The following DPAGT1 variants were observed in gnomAD, a reference collection of about 807,000 sequenced individuals.
The protein encoded by DPAGT1 is UDP-N-acetylglucosamine--dolichyl-phosphate N-acetylglucosaminephosphotransferase.
A neutral mutation model predicts 39.3 loss-of-function variants in DPAGT1; 25 were observed. The observed-to-expected ratio is 0.64, with a 90% CI of 0.46 to 0.89. The LOEUF (loss-of-function observed/expected upper bound fraction) is 0.89, where lower values mean the gene tolerates loss of function less well. Ranked by LOEUF, DPAGT1 falls within the 40% of genes least tolerant of loss-of-function variation. DPAGT1 has a pLI of 0.00. For missense variants in DPAGT1, 381 were observed against 500.6 expected (o/e 0.76, Z 2.28); for synonymous variants, 193 against 201.4 (o/e 0.96, Z 0.36).
At chr11:119,095,478 C>T (rs1473637484), downstream of DPAGT1, 5 of 1,391,618 alleles carry the variant, frequency 3.6e-6, no homozygotes, top group Non-Finnish European at 4.7e-6. Context: ...CGCGCGCGCG[C>T]CGCGAGGCCG....
Position 119,098,493 on chromosome 11 carries a change from G to A in DPAGT1, c.644-6C>T, listed in dbSNP as rs1358919348. The A allele has an allele frequency of 6.2e-7, 1 of 1,613,918 alleles. No homozygotes were observed. On this transcript the variant is annotated splice_polypyrimidine_tract_variant and splice_region_variant and intron_variant, in intron 4 of 8. Coordinates refer to ENST00000354202, the MANE Select transcript of DPAGT1 (RefSeq NM_001382.4). ...ATGATCATCCCGACAATCACCTTTGGAAGCAAGGAAGAAAGAAGGAAAAGT... is the reference window on the plus strand; with the variant it reads ...ATGATCATCCCGACAATCACCTTTGAAAGCAAGGAAGAAAGAAGGAAAAGT...
chr11:119,095,373 C>T (rs1413031146), downstream of DPAGT1: 1 of 1,576,442 alleles, frequency 6.3e-7, no homozygotes, highest in Non-Finnish European at 8.6e-7. Context: ...GCCTTGCCGC[C>T]AGTCTTGCCG....
Position 119,101,044 on chromosome 11 carries a change from G to T in DPAGT1, c.256C>A (p.Gln86Lys), listed in dbSNP as rs755401340. 1 of 1,614,152 alleles carries T rather than the reference G, an allele frequency of 6.2e-7. No homozygotes were observed. The highest frequency in any genetic ancestry group is 8.5e-7 in the Non-Finnish European group (1 of 1,180,038). ...FPFLNCFVKE[Q>K]CKAFPHHEFV... ...TCATGGTGGGGGAATGCCTTACACT[G>T]CTCCTTCACAAAGCAGTTCAGGAAG... The change falls in exon 2 of 9, where the codon CAG (glutamine) becomes AAG (lysine). Residue 86 changes from glutamine (Q) to lysine (K), a missense_variant. Gln to Lys is a moderately conservative substitution (Grantham distance 53). Coordinates refer to ENST00000354202, the MANE Select transcript of DPAGT1 (RefSeq NM_001382.4).
Position 119,097,175 on chromosome 11 carries a change from C to G in DPAGT1, c.1128G>C (p.Glu376Asp), listed in dbSNP as rs200747570. Residue 376 changes from glutamate (E) to aspartate (D), a missense_variant, in exon 8 of 9, where the codon GAG (glutamate) becomes GAC (aspartate). By Grantham distance (45) the Glu-to-Asp change is conservative. Coordinates refer to ENST00000354202, the MANE Select transcript of DPAGT1 (RefSeq NM_001382.4). The surrounding 1 kb of genome is among the most constrained non-coding windows in gnomAD (Gnocchi z 4.6). Reference sequence around the variant, plus strand: ...GCAGCAGGAGCAATGTGAGGTTTCTCTCATGTATGGGCCCAAGGACTTTAA... The same window carrying G: ...GCAGCAGGAGCAATGTGAGGTTTCTGTCATGTATGGGCCCAAGGACTTTAA... ...LLLKVLGPIHERNLTLLLLLL... is the reference protein window; with the variant it reads ...LLLKVLGPIHDRNLTLLLLLL... The G allele has an allele frequency of 1.2e-6, 2 of 1,614,164 alleles. No individual in the cohort carries two copies. Among genetic ancestry groups the G allele is most frequent in the East Asian group, 4.5e-5 (2 of 44,886 alleles).
chr11:119,097,053 C>T lies in DPAGT1; in HGVS notation c.1172G>A (p.Ser391Asn). 6.2e-7 allele frequency: 1 copy of T among 1,614,132 alleles called. No individual in the cohort carries two copies. The highest frequency in any genetic ancestry group is 8.5e-7 in the Non-Finnish European group (1 of 1,180,012). ...LLLLLLQILG[S>N]AITFSIRYQL... The stretch of plus-strand genomic sequence containing the variant: ...ATATCGAATGGAGAAGGTGATGGCA[C>T]TGCCCAGGATCTGCAAGGAGAAATG... The change falls in exon 9 of 9, where the codon AGT becomes AAT. Residue 391 changes from serine to asparagine, a missense_variant. Ser to Asn is a conservative substitution (Grantham distance 46). Coordinates refer to ENST00000354202, the MANE Select transcript of DPAGT1 (RefSeq NM_001382.4). The surrounding 1 kb of genome is among the most constrained non-coding windows in gnomAD (Gnocchi z 4.6).
chr11:119,101,297 G>T, intron 1 of DPAGT1, 159 bp from the exon 2 acceptor site: 1 of 1,357,536 alleles, frequency 7.4e-7, no homozygotes, highest in Non-Finnish European at 1.0e-6. Context: ...CACTGCCAGA[G>T]TCCCAGATAT....
chr11:119,100,833 A>T lies in DPAGT1; in HGVS notation c.293T>A (p.Leu98Gln), dbSNP rs1245234792. 3 of 1,614,114 alleles carry T rather than the reference A, an allele frequency of 1.9e-6. No individual in the cohort carries two copies. Among genetic ancestry groups the T allele is most frequent in the Non-Finnish European group, 2.5e-6 (3 of 1,180,050 alleles). The change falls in exon 3 of 9, where the codon CTG (leucine) becomes CAG (glutamine). Residue 98 changes from leucine to glutamine, a missense_variant. Transcript: ENST00000354202. ...KAFPHHEFVA[L>Q]IGALLAICCM... ...GCAGATGGCAAGGAGGGCACCTATCAGGGCCACAAACTGGGGGAGGCTCGG... is the reference window on the plus strand; with the variant it reads ...GCAGATGGCAAGGAGGGCACCTATCTGGGCCACAAACTGGGGGAGGCTCGG...
chr11:119,100,845 TG>T lies in DPAGT1; in HGVS notation c.283-3del, dbSNP rs1241960679. On this transcript the variant is annotated splice_polypyrimidine_tract_variant and splice_region_variant and intron_variant, in intron 2 of 8. Coordinates refer to ENST00000354202, the MANE Select transcript of DPAGT1 (RefSeq NM_001382.4). ...GAGGGCACCTATCAGGGCCACAAAC[TG>T]GGGGAGGCTCGGGCAGGTCCATGAC... is the stretch of plus-strand genomic sequence containing the variant. The T allele has an allele frequency of 6.2e-7, 1 of 1,614,022 alleles. No homozygotes were observed. The highest frequency in any genetic ancestry group is 1.3e-5 in the African/African-American group (1 of 74,902).
In DPAGT1 at chr11:119,100,999, C is replaced by T. The variant is rs764698994; in HGVS notation, c.282+19G>A. ...CCCAGGTCCCAGCCACAGGCAATCA[C>T]CCCCACGAACCCACTTACTTCATGG... On this transcript the variant is annotated intron_variant, in intron 2 of 8. Transcript: ENST00000354202. The T allele has an allele frequency of 1.2e-6, 2 of 1,614,098 alleles. No individual in the cohort carries two copies. The highest frequency in any genetic ancestry group is 2.7e-5 in the African/African-American group (2 of 74,934).
chr11:119,095,307 G>C, downstream of DPAGT1: 1 of 1,610,252 alleles, frequency 6.2e-7, no homozygotes, highest in South Asian at 1.1e-5. Context: ...CGGTGTACAC[G>C]GCCCACTGGG....
chr11:119,095,365 C>T, downstream of DPAGT1: 1 of 1,581,244 alleles, frequency 6.3e-7, no homozygotes, highest in South Asian at 1.2e-5. Context: ...TGGCGCGGGC[C>T]TTGCCGCCAG....
rs1592226742 is a variant in DPAGT1, at chr11:119,098,448, A to G, written c.683T>C (p.Met228Thr). The change falls in exon 5 of 9, where the codon ATG becomes ACG. Residue 228 changes from methionine (M) to threonine (T), a missense_variant. Transcript: ENST00000354202. ...CAAAGTGGTGAAAAAAAAGGGTATC[A>G]TGAAGTAGAGGGAAAAGACATGATC... ...RDDHVFSLYF[M>T]IPFFFTTLGL... 6.2e-7 allele frequency: 1 copy of G among 1,614,192 alleles called. No homozygotes were observed. The highest frequency in any genetic ancestry group is 8.5e-7 in the Non-Finnish European group (1 of 1,180,016).
intron 4 of DPAGT1, among the ~76,000 whole-genome samples, chr11:119,098,690 A>G (rs1279514844): frequency 6.6e-6 from 1 of 152,200 alleles, no homozygotes. Context: ...ACTAGTTACT[A>G]TCTTAAATTT....
Position 119,097,410 on chromosome 11 carries a change from T to C in DPAGT1, c.1005+54A>G, listed in dbSNP as rs1946417536. On this transcript the variant is annotated intron_variant, in intron 7 of 8. Coordinates refer to ENST00000354202, the MANE Select transcript of DPAGT1 (RefSeq NM_001382.4). The surrounding 1 kb of genome is among the most constrained non-coding windows in gnomAD (Gnocchi z 4.6). ...ATCTGATGTAGGACTAGGTTCCCCA[T>C]TCCTCAAGGTCAGGATGGCAGCCTA... is the stretch of plus-strand genomic sequence containing the variant. 2.5e-6 allele frequency: 4 copies of C among 1,611,544 alleles called. No individual in the cohort carries two copies. The highest frequency in any genetic ancestry group is 3.4e-6 in the Non-Finnish European group (4 of 1,177,632).
chr11:119,095,496 A>C, downstream of DPAGT1: 2 of 1,279,356 alleles, frequency 1.6e-6, no homozygotes, highest in Non-Finnish European at 2.1e-6. Flanking sequence ...CCGCCTTTAT[A>C]AGCCCCCAGG....
chr11:119,100,925 C>CTGATAA, intron 2 of DPAGT1, 82 bp from the exon 3 acceptor site: 1 of 1,613,902 alleles, frequency 6.2e-7, no homozygotes, highest in South Asian at 1.1e-5. Context: ...CTGATAATTT[C>CTGATAA]TTAGCCCCTC....
At chr11:119,095,465 T>C (rs1015565657), downstream of DPAGT1, 5 of 1,440,210 alleles carry the variant, frequency 3.5e-6, no homozygotes, top group African/African-American at 2.9e-5. Flanking sequence ...GTGTAACTGC[T>C]GTCGCGCGCG....
Position 119,101,830 on chromosome 11 carries a change from C to T in DPAGT1, c.-175G>A. On this transcript the variant is annotated 5_prime_UTR_variant, in exon 1 of 9. Transcript: ENST00000354202. The stretch of plus-strand genomic sequence containing the variant: ...GAGCCGCCGTCGGGACACCGGGGAA[C>T]CTCTCTAAGGCAACCTATGTTCTGC... The T allele has an allele frequency of 6.7e-7, 1 of 1,491,846 alleles. No individual in the cohort carries two copies. Among genetic ancestry groups the T allele is most frequent in the Non-Finnish European group, 8.9e-7 (1 of 1,122,698 alleles). The allele number at this position is 1,491,846 out of a possible 1,614,324, so 92.4% of individuals were successfully genotyped here.
chr11:119,101,266 G>T, intron 1 of DPAGT1, 128 bp from the exon 2 acceptor site: 2 of 1,420,646 alleles, frequency 1.4e-6, no homozygotes, highest in Non-Finnish European at 1.9e-6. Flanking sequence ...AGTGGTGAGG[G>T]GGGCGGAGGG....
Sources: gnomAD v4.1 joint callset for allele counts (sites outside exome capture counted in the v4.1 genomes callset) on GRCh38, gnomAD v4.1.1 for gene constraint, Gnocchi (gnomAD v3.1) non-coding constraint, MANE v1.5 for transcripts, NCBI Gene and HGNC (gene_info 2026-07-23, HGNC 2026-07-21) for gene names.